Variants in PFKFB3 observed in about 807,000 individuals in gnomAD.
PFKFB3 encodes the protein 6-phosphofructo-2-kinase/fructose-2,6-bisphosphatase 3.
PFKFB3 carries 33 observed loss-of-function variants against 68.0 expected under a neutral mutation model. That is an observed-to-expected ratio of 0.49 (90% confidence interval 0.37 to 0.65). The LOEUF is 0.65. Ranked by LOEUF, PFKFB3 falls within the 30% of genes least tolerant of loss-of-function variation. The pLI, the probability that PFKFB3 is intolerant of heterozygous loss-of-function variation, is 0.00. For synonymous variants in PFKFB3, 315 were observed against 288.2 expected (o/e 1.09, Z -0.94); for missense variants, 586 against 712.2 (o/e 0.82, Z 2.02).
intron 1 of PFKFB3, chr10:6,146,181 T>C: frequency 7.2e-7 from 1 of 1,386,306 alleles, no homozygotes; most frequent in Non-Finnish European, 9.4e-7. Flanking sequence ...GGGCCTGTGC[T>C]GTGCCGTCTC....
At chr10:6,207,266 T>C (rs1028875310) in intron 1 of PFKFB3, among the ~76,000 whole-genome samples, 3 of 152,004 alleles carry the variant, frequency 2.0e-5, no homozygotes, top group Non-Finnish European at 4.4e-5. Context: ...CGAAACCCCG[T>C]CTCCACCAAA....
intron 1 of PFKFB3, among the ~76,000 whole-genome samples, chr10:6,174,196 G>A (rs913477647): frequency 1.3e-5 from 2 of 152,114 alleles, no homozygotes; most frequent in Non-Finnish European, 2.9e-5. Context: ...TAACGGGCTT[G>A]GATCTCTTGT....
rs547224099 is a variant in PFKFB3 at position 6,229,640 on chromosome 10, C to A, written c.1516-3255C>A. ...GGGCCAGTGTCTGTGATGCGCGGGG[C>A]CAGCGTGCAGTGCTTCAGGATCTGG... On this transcript the variant is annotated intron_variant, in intron 14 of 14. Transcript: ENST00000379775. This position sits in a 1 kb window ranked among gnomAD's most constrained non-coding sequence, Gnocchi z 4.3. Among the ~76,000 whole-genome samples the A allele has an allele frequency of 6.6e-6, 1 of 152,280 alleles. No individual in the cohort carries two copies. The highest frequency in any genetic ancestry group is 1.9e-4 in the East Asian group (1 of 5,186).
chr10:6,145,728 C>A (rs1341660521), intron 1 of PFKFB3, among the ~76,000 whole-genome samples: 1 of 152,186 alleles, frequency 6.6e-6, no homozygotes, highest in Non-Finnish European at 1.5e-5. Context: ...GGATGGGAGC[C>A]GTCCCCAGAA....
chr10:6,152,711 T>C (rs1393056654), intron 1 of PFKFB3, among the ~76,000 whole-genome samples: 3 of 151,538 alleles, frequency 2.0e-5, no homozygotes, highest in East Asian at 3.9e-4. Context: ...ATCCTGTCCC[T>C]ACAAATAAAA....
At chr10:6,289,830 C>A in the PFKFB3 span, among the ~76,000 whole-genome samples, 3 of 151,690 alleles carry the variant, frequency 2.0e-5, no homozygotes, top group Non-Finnish European at 4.4e-5. Context: ...TTCTTCCTAC[C>A]CATGAGCATG....
the PFKFB3 span, among the ~76,000 whole-genome samples, chr10:6,326,144 G>A: frequency 0.91 from 138,184 of 152,240 alleles, 62,768 homozygotes; most frequent in Middle Eastern, 0.96. Context: ...AAGGACATGG[G>A]TGGAGCTAGA....
At chr10:6,317,059 A>G in the PFKFB3 span, among the ~76,000 whole-genome samples, 1 of 152,170 alleles carries the variant, frequency 6.6e-6, no homozygotes, top group Non-Finnish European at 1.5e-5. Flanking sequence ...ACAACCATAC[A>G]TGGAAGCCCT....
chr10:6,195,612 G>A (rs1234502720), intron 1 of PFKFB3, among the ~76,000 whole-genome samples: 1 of 152,192 alleles, frequency 6.6e-6, no homozygotes, highest in Non-Finnish European at 1.5e-5. Flanking sequence ...GAGTCACCAA[G>A]CAAACTGGTA....
At chr10:6,243,565 C>G (rs1214988669) in intron 14 of PFKFB3, among the ~76,000 whole-genome samples, 1 of 152,190 alleles carries the variant, frequency 6.6e-6, no homozygotes, top group Admixed American at 6.5e-5. Context: ...GCAACGCTCC[C>G]CATAGAGGCT....
downstream of PFKFB3, among the ~76,000 whole-genome samples, chr10:6,238,399 G>A (rs987479415): frequency 6.1e-5 from 9 of 148,466 alleles, no homozygotes; most frequent in African/African-American, 2.0e-4. Flanking sequence ...TCCTGAACTC[G>A]GGTGATCTAC....
chr10:6,301,058 T>C, the PFKFB3 span, among the ~76,000 whole-genome samples: 1 of 152,290 alleles, frequency 6.6e-6, no homozygotes, highest in East Asian at 1.9e-4. Flanking sequence ...TTGCAGAAGA[T>C]TCCTCTGCCC....
intron 1 of PFKFB3, among the ~76,000 whole-genome samples, chr10:6,162,624 C>T (rs1189418159): frequency 1.3e-5 from 2 of 152,176 alleles, no homozygotes; most frequent in African/African-American, 4.8e-5. Context: ...ATGTGGACTC[C>T]GGGATTTTTA....
At chr10:6,306,720 C>T in the PFKFB3 span, among the ~76,000 whole-genome samples, 1 of 152,126 alleles carries the variant, frequency 6.6e-6, no homozygotes, top group Non-Finnish European at 1.5e-5. Context: ...CATGGAAGGC[C>T]GTGTCCTGGG....
intron 5 of PFKFB3, 142 bp from the exon 6 acceptor site, chr10:6,216,993 G>A: frequency 1.1e-6 from 1 of 906,276 alleles, no homozygotes; most frequent in African/African-American, 1.6e-5. Flanking sequence ...TCCAGAGGCT[G>A]CAGTGAGGAG....
At chr10:6,180,422 T>C (rs1842677752) in intron 1 of PFKFB3, among the ~76,000 whole-genome samples, 1 of 152,172 alleles carries the variant, frequency 6.6e-6, no homozygotes, top group East Asian at 1.9e-4. Flanking sequence ...TGTTAACATT[T>C]CAATTTTCTT....
intron 14 of PFKFB3, chr10:6,231,663 A>G (rs1171970616): frequency 1.1e-6 from 1 of 891,824 alleles, no homozygotes. Context: ...GTGATCCCAC[A>G]GCCCGGCTGG....
rs1225843582 is a variant in PFKFB3, at chr10:6,210,346, GT to G, written c.77-3268del. Among the ~76,000 whole-genome samples the G allele has an allele frequency of 8.3e-3, 271 of 32,798 alleles. 40 individuals are homozygous for G. Among genetic ancestry groups the G allele is most frequent in the African/African-American group, 0.013 (212 of 16,128 alleles). The allele number at this position is 32,798 out of a possible 152,430, so 21.5% of individuals were successfully genotyped here. A position where few individuals can be genotyped will look rare whatever the true frequency, so the allele number is the denominator to read the frequency against. On this transcript the variant is annotated intron_variant, in intron 1 of 14. Coordinates refer to ENST00000379775, the MANE Select transcript of PFKFB3 (RefSeq NM_004566.4). The stretch of plus-strand genomic sequence containing the variant: ...GGCGCCCCTCTCTTTGTTTTTTTTT[GT>G]TTTTTTTTGTTTTTTTGTTTTTTTT...
At chr10:6,145,843 C>CG (rs386370568) in intron 1 of PFKFB3, among the ~76,000 whole-genome samples, 11 of 54,092 alleles carry the variant, frequency 2.0e-4, no homozygotes, top group African/African-American at 9.3e-4. Context: ...ACCTGGTGTT[C>CG]CTACCCGCAC....
Sources: allele counts gnomAD v4.1 joint callset (sites outside exome capture counted in the v4.1 genomes callset), GRCh38; gene constraint gnomAD v4.1.1; non-coding constraint Gnocchi (gnomAD v3.1); transcripts MANE v1.5; gene names NCBI Gene and HGNC (gene_info 2026-07-23, HGNC 2026-07-21).